Variants in MTMR2 observed in about 807,000 individuals in gnomAD.
The protein encoded by MTMR2 is myotubularin related protein 2, also known as phosphatidylinositol-3,5-bisphosphate 3-phosphatase MTMR2.
Under a neutral mutation model 86.9 loss-of-function variants are expected in MTMR2, and 55 were observed. That is an observed-to-expected ratio of 0.63 (90% CI 0.51 to 0.79). The LOEUF is 0.79. Ranked by LOEUF, MTMR2 falls within the 30% of genes least tolerant of loss-of-function variation. The pLI, the probability that MTMR2 is intolerant of heterozygous loss-of-function variation, is 0.00. For synonymous variants in MTMR2, 241 were observed against 266.8 expected, an observed-to-expected ratio of 0.90 and a Z score of 0.94; for missense variants, 659 against 772.3, an observed-to-expected ratio of 0.85 and a Z score of 1.74.
chr11:95,875,787 G>A (rs1216691292), intron 2 of MTMR2, among the ~76,000 whole-genome samples: 1 of 151,924 alleles, frequency 6.6e-6, no homozygotes, highest in Non-Finnish European at 1.5e-5. Flanking sequence ...TGGTGTGGAT[G>A]TCCTTTCTGT....
intron 2 of MTMR2, among the ~76,000 whole-genome samples, chr11:95,872,422 A>G (rs1398037168): frequency 1.3e-5 from 2 of 152,056 alleles, no homozygotes; most frequent in African/African-American, 2.4e-5. Flanking sequence ...TTTGTCTGTT[A>G]TTGGTGTATA....
intron 1 of MTMR2, among the ~76,000 whole-genome samples, chr11:95,899,585 TC>T (rs1237224484): frequency 3.3e-5 from 5 of 151,824 alleles, no homozygotes; most frequent in South Asian, 2.1e-4. Context: ...AGAGATAGAC[TC>T]CTTTTTAACT....
rs147356924 is a variant in MTMR2, at chr11:95,870,542, C to G, written c.187-4866G>C. ...CAAATCTGACCCTAGGCTTATAAAA[C>G]AAATAGAAGCAATTATATGAATAAT... On this transcript the variant is annotated intron_variant, in intron 2 of 14. Transcript: ENST00000346299. Among the ~76,000 whole-genome samples the G allele has an allele frequency of 2.0e-5, 3 of 151,964 alleles. No homozygotes were observed. In the East Asian group the frequency reaches 5.8e-4, roughly 29 times the overall value.
At chr11:95,865,495 CAGG>C in intron 3 of MTMR2, 103 bp downstream of exon 3, 1 of 1,025,480 alleles carries the variant, frequency 9.8e-7, no homozygotes, top group Non-Finnish European at 1.5e-6. Flanking sequence ...TTCTGCCAGA[CAGG>C]AGGTGTCTCT....
chr11:95,857,017 A>G (rs895005267), intron 7 of MTMR2, among the ~76,000 whole-genome samples: 2 of 152,150 alleles, frequency 1.3e-5, no homozygotes, highest in Admixed American at 6.5e-5. Context: ...CACTTTCCAC[A>G]TGTAAGTGTG....
Position 95,835,446 on chromosome 11 carries a change from A to G in MTMR2, c.1776T>C (p.Pro592=). The G allele has an allele frequency of 6.2e-7, 1 of 1,612,398 alleles. No homozygotes were observed. Among genetic ancestry groups the G allele is most frequent in the Non-Finnish European group, 8.5e-7 (1 of 1,179,110 alleles). The change falls in exon 15 of 15, where the codon CCT becomes CCC. Residue 592 remains proline (P), a synonymous_variant. Coordinates refer to ENST00000346299, the MANE Select transcript of MTMR2 (RefSeq NM_016156.6). ...RWNPRMKPQE[P]IHNRYKELLA... Reference sequence around the variant, plus strand: ...GAAGTTCTTTGTATCTGTTGTGAATAGGTTCCTGCAAGAGCAAAACATAAA... The same window carrying G: ...GAAGTTCTTTGTATCTGTTGTGAATGGGTTCCTGCAAGAGCAAAACATAAA...
chr11:95,836,747 T>A (rs1314738901), intron 13 of MTMR2, among the ~76,000 whole-genome samples: 2 of 151,988 alleles, frequency 1.3e-5, no homozygotes, highest in East Asian at 3.9e-4. Context: ...CTTGAAAGCA[T>A]ATTAAAGGAA....
chr11:95,866,602 A>C (rs1864628003), intron 2 of MTMR2: 1 of 151,528 alleles, frequency 6.6e-6, no homozygotes, highest in Admixed American at 6.6e-5. Flanking sequence ...CTAAAGAAAT[A>C]GTATATACAC....
chr11:95,876,434 C>A (rs139378019), intron 2 of MTMR2, among the ~76,000 whole-genome samples: 2,522 of 152,250 alleles, frequency 0.017, 33 homozygotes, highest in South Asian at 0.062. Flanking sequence ...ATACATCAAG[C>A]ACTTTCTCTT....
chr11:95,910,821 T>C (rs888525368), intron 1 of MTMR2, among the ~76,000 whole-genome samples: 1 of 152,020 alleles, frequency 6.6e-6, no homozygotes, highest in Non-Finnish European at 1.5e-5. Context: ...CTTAACACAA[T>C]GCACTATAGT....
In MTMR2 at chr11:95,835,394, T is replaced by C. The variant is rs1164720720; in HGVS notation, c.1828A>G (p.Lys610Glu). The change falls in exon 15 of 15, where the codon AAA (lysine) becomes GAA (glutamate). Residue 610 changes from lysine (K) to glutamate (E), a missense_variant. By Grantham distance (56) the Lys-to-Glu change is moderately conservative. Transcript: ENST00000346299. ...LLAKRAELQKKVEELQREISN... is the reference protein window; with the variant it reads ...LLAKRAELQKEVEELQREISN... ...ATCTCTCTCTGTAGTTCCTCTACTTTTTTCTGAAGCTCTGCTCGTTTAGCA... is the reference window on the plus strand; with the variant it reads ...ATCTCTCTCTGTAGTTCCTCTACTTCTTTCTGAAGCTCTGCTCGTTTAGCA... 1.2e-6 allele frequency: 2 copies of C among 1,613,158 alleles called. No homozygotes were observed. Among genetic ancestry groups the C allele is most frequent in the South Asian group, 1.1e-5 (1 of 91,072 alleles).
chr11:95,845,822 T>G (rs1453407129), intron 10 of MTMR2, among the ~76,000 whole-genome samples: 2 of 147,686 alleles, frequency 1.4e-5, no homozygotes, highest in Non-Finnish European at 3.0e-5. Context: ...AAGTCAATCT[T>G]GAGTTAAAAC....
intron 2 of MTMR2, among the ~76,000 whole-genome samples, chr11:95,877,537 A>G (rs1422338181): frequency 6.6e-6 from 1 of 151,710 alleles, no homozygotes; most frequent in Non-Finnish European, 1.5e-5. Flanking sequence ...CCCTCTAATA[A>G]CGTTGTTGAA....
chr11:95,874,775 T>C (rs58139255), intron 2 of MTMR2, among the ~76,000 whole-genome samples: 6,452 of 152,266 alleles, frequency 0.042, 487 homozygotes, highest in African/African-American at 0.14. Context: ...CAGGAGCGCT[T>C]GTAGGGCAGG....
intron 2 of MTMR2, among the ~76,000 whole-genome samples, chr11:95,886,687 T>C (rs1865523292): frequency 6.6e-6 from 1 of 152,194 alleles, no homozygotes; most frequent in Non-Finnish European, 1.5e-5. Flanking sequence ...CATCCCTTCA[T>C]TCCTGAGTTA....
intron 5 of MTMR2, among the ~76,000 whole-genome samples, 155 bp from the exon 6 acceptor site, chr11:95,858,787 A>C (rs1864302330): frequency 6.6e-6 from 1 of 152,182 alleles, no homozygotes; most frequent in African/African-American, 2.4e-5. Context: ...GGGAAATTAT[A>C]ATGGTTTATT....
intron 2 of MTMR2, among the ~76,000 whole-genome samples, chr11:95,873,374 G>C (rs1189477346): frequency 1.3e-5 from 2 of 152,172 alleles, no homozygotes; most frequent in African/African-American, 2.4e-5. Flanking sequence ...ATTTCTTCTA[G>C]ATTTTCTAGT....
intron 1 of MTMR2, among the ~76,000 whole-genome samples, chr11:95,919,352 T>C (rs915139583): frequency 6.6e-6 from 1 of 152,214 alleles, no homozygotes; most frequent in Non-Finnish European, 1.5e-5. Context: ...TGAGAACTAC[T>C]TTGAGTATGT....
rs1865578180 is a variant in MTMR2, at chr11:95,888,137, TTTAAAATA to T, written c.186+11_186+18del. ...TTAACAGAAAGTACTTCATCAGAAC[TTTAAAATA>T]GTATACATACCCTCAAATCAGGAGA... On this transcript the variant is annotated intron_variant, in intron 2 of 14. Transcript: ENST00000346299. 3 of 1,550,882 alleles carry T rather than the reference TTTAAAATA, an allele frequency of 1.9e-6. No individual in the cohort carries two copies. The highest frequency in any genetic ancestry group is 2.7e-6 in the Non-Finnish European group (3 of 1,126,670).
Sources: gnomAD v4.1 joint callset for allele counts (sites outside exome capture counted in the v4.1 genomes callset) on GRCh38, gnomAD v4.1.1 for gene constraint, MANE v1.5 for transcripts, NCBI Gene and HGNC (gene_info 2026-07-23, HGNC 2026-07-21) for gene names.